BABAM2: variants seen among roughly 807,000 people sequenced by gnomAD.
The protein encoded by BABAM2 is BRISC and BRCA1-A complex member 2.
Under a neutral mutation model 54.7 loss-of-function variants are expected in BABAM2, and 31 were observed. The ratio of observed to expected loss-of-function variants is 0.57; its 90% CI spans 0.43 to 0.77. The LOEUF is 0.77. Among genes scored for constraint, BABAM2 ranks in the 30% least tolerant of loss-of-function variants. BABAM2 has a pLI of 0.00. For missense variants in BABAM2, 364 were observed against 455.8 expected, an observed-to-expected ratio of 0.80 and a Z score of 1.83; for synonymous variants, 167 against 162.9, an observed-to-expected ratio of 1.03 and a Z score of -0.19.
chr2:28,149,255 C>T (rs1350170741), intron 7 of BABAM2, among the ~76,000 whole-genome samples: 4 of 152,154 alleles, frequency 2.6e-5, no homozygotes, highest in Non-Finnish European at 5.9e-5. Flanking sequence ...GTAGTCTACA[C>T]ACTGAGTACT....
intron 11 of BABAM2, 39 bp from the exon 12 acceptor site, chr2:28,338,411 G>A (rs1691655662): frequency 1.9e-6 from 3 of 1,573,816 alleles, no homozygotes; most frequent in Non-Finnish European, 2.6e-6. Flanking sequence ...AGTTGTTTGT[G>A]CTAACCACAA....
intron 10 of BABAM2, among the ~76,000 whole-genome samples, 179 bp downstream of exon 10, chr2:28,245,041 C>T (rs1017352616): frequency 1.1e-4 from 17 of 151,994 alleles, no homozygotes; most frequent in East Asian, 5.8e-4. Context: ...TTCTCAACCA[C>T]TGGAGCAATT....
chr2:28,098,789 T>A (rs560596549), intron 6 of BABAM2, among the ~76,000 whole-genome samples: 36 of 152,250 alleles, frequency 2.4e-4, no homozygotes, highest in South Asian at 8.3e-4. Context: ...AGGGAAAGAA[T>A]AAGAAAAAAT....
At chr2:28,123,998 C>A (rs1029398092) in intron 6 of BABAM2, among the ~76,000 whole-genome samples, 11 of 152,118 alleles carry the variant, frequency 7.2e-5, no homozygotes, top group Middle Eastern at 3.2e-3. Flanking sequence ...TTATAAATTA[C>A]CCATAGGCAT....
chr2:28,337,221 C>G (rs373306175), intron 11 of BABAM2, among the ~76,000 whole-genome samples: 1 of 152,120 alleles, frequency 6.6e-6, no homozygotes, highest in East Asian at 1.9e-4. Context: ...GTGCCCACCT[C>G]CTTCCTCTGC....
intron 7 of BABAM2, among the ~76,000 whole-genome samples, chr2:28,224,545 G>A (rs1680698869): frequency 6.6e-6 from 1 of 152,210 alleles, no homozygotes; most frequent in African/African-American, 2.4e-5. Flanking sequence ...TCAGTTTGCG[G>A]TACTTGAGCT....
intron 7 of BABAM2, among the ~76,000 whole-genome samples, chr2:28,166,032 G>A (rs779204794): frequency 2.0e-5 from 3 of 152,142 alleles, no homozygotes; most frequent in Non-Finnish European, 4.4e-5. Flanking sequence ...CTTATAATAA[G>A]AGGAAATTAG....
intron 6 of BABAM2, among the ~76,000 whole-genome samples, chr2:28,082,825 A>G (rs1005680040): frequency 3.3e-5 from 5 of 152,108 alleles, no homozygotes; most frequent in African/African-American, 1.2e-4. Flanking sequence ...CTGAAAATTG[A>G]TTCTGTTCGT....
intron 6 of BABAM2, among the ~76,000 whole-genome samples, chr2:28,090,890 A>T (rs925644652): frequency 6.6e-6 from 1 of 152,162 alleles, no homozygotes; most frequent in East Asian, 1.9e-4. Context: ...CTCACCCTGA[A>T]AATTAGGATA....
intron 6 of BABAM2, among the ~76,000 whole-genome samples, chr2:28,080,852 G>A (rs921497727): frequency 2.0e-5 from 3 of 152,142 alleles, no homozygotes; most frequent in African/African-American, 7.2e-5. Context: ...GATACATTAA[G>A]CTTGGAGCAT....
intron 4 of BABAM2, among the ~76,000 whole-genome samples, chr2:28,021,562 A>G (rs1675270541): frequency 6.6e-6 from 1 of 152,226 alleles, no homozygotes; most frequent in Non-Finnish European, 1.5e-5. Flanking sequence ...GGAAAATTAT[A>G]CTTCCTTAAC....
At chr2:28,020,991 A>AC (rs1573407122) in intron 4 of BABAM2, among the ~76,000 whole-genome samples, 5 of 149,304 alleles carry the variant, frequency 3.3e-5, no homozygotes, top group South Asian at 2.1e-4. Flanking sequence ...ACACACACAC[A>AC]AACTACTTGT....
At chr2:28,296,089 G>C (rs1687672124) in intron 10 of BABAM2, among the ~76,000 whole-genome samples, 1 of 152,110 alleles carries the variant, frequency 6.6e-6, no homozygotes, top group African/African-American at 2.4e-5. Flanking sequence ...ATCCAGCCTG[G>C]GCGACAGAGC....
chr2:28,291,455 G>A (rs765727034), intron 10 of BABAM2, among the ~76,000 whole-genome samples: 1 of 152,014 alleles, frequency 6.6e-6, no homozygotes, highest in Non-Finnish European at 1.5e-5. Context: ...TTAGCCAGGC[G>A]TGGTGGTGGA....
chr2:28,122,350 T>C (rs1669148141), intron 6 of BABAM2, among the ~76,000 whole-genome samples: 2 of 152,184 alleles, frequency 1.3e-5, no homozygotes, highest in Admixed American at 1.3e-4. Context: ...ATGCTTGTAG[T>C]CTCAGCTACT....
intron 10 of BABAM2, among the ~76,000 whole-genome samples, chr2:28,258,247 C>T (rs1435386130): frequency 2.6e-5 from 4 of 152,096 alleles, no homozygotes; most frequent in Non-Finnish European, 5.9e-5. Context: ...AATTCAAGTG[C>T]AAGTCTTTGT....
intron 3 of BABAM2, among the ~76,000 whole-genome samples, chr2:27,937,550 G>C (rs1668574697): frequency 6.6e-6 from 1 of 152,150 alleles, no homozygotes; most frequent in South Asian, 2.1e-4. Context: ...GTTTTGATTT[G>C]CATTTCCTTG....
At chr2:28,078,523 A>G (rs767585063) in intron 6 of BABAM2, among the ~76,000 whole-genome samples, 4 of 152,162 alleles carry the variant, frequency 2.6e-5, no homozygotes, top group Non-Finnish European at 5.9e-5. Flanking sequence ...AAGAAGGAAA[A>G]TGAATTTTTT....
chr2:27,889,766 C>T (rs371141172), upstream of BABAM2, among the ~76,000 whole-genome samples: 1 of 152,132 alleles, frequency 6.6e-6, no homozygotes, highest in Admixed American at 6.5e-5. Context: ...TTTTTGATTT[C>T]TGCTCAACTC....
Sources: gnomAD v4.1 joint callset for allele counts (sites outside exome capture counted in the v4.1 genomes callset) on GRCh38, gnomAD v4.1.1 for gene constraint, MANE v1.5 for transcripts, NCBI Gene and HGNC (gene_info 2026-07-23, HGNC 2026-07-21) for gene names.